The following KIRREL3 variants were observed in gnomAD, a reference collection of about 807,000 sequenced individuals.
The protein encoded by KIRREL3 is kin of IRRE-like protein 3.
Under a neutral mutation model 89.7 loss-of-function variants are expected in KIRREL3, and 36 were observed. The observed-to-expected ratio is 0.40, with a 90% CI of 0.31 to 0.53. KIRREL3 has a LOEUF of 0.53. Among genes scored for constraint, KIRREL3 ranks in the 20% least tolerant of loss-of-function variants. The probability of loss-of-function intolerance (pLI) is 0.49; values close to 1 mark genes in which losing one functional copy is unlikely to be tolerated. For missense variants in KIRREL3, 864 were observed against 1,056.6 expected (o/e 0.82, Z 2.53); for synonymous variants, 445 against 441.4 (o/e 1.01, Z -0.10).
intron 1 of KIRREL3, among the ~76,000 whole-genome samples, chr11:126,857,245 C>A (rs763222328): frequency 3.3e-5 from 5 of 152,226 alleles, no homozygotes; most frequent in Non-Finnish European, 5.9e-5. Flanking sequence ...GCCCACCCAC[C>A]TGTGTGCCTT....
At position 126,424,667 on chromosome 11, in the gene KIRREL3, A is replaced by G. The variant is rs1282669293; in HGVS notation, c.2250T>C (p.Ser750=). 1 of 1,614,064 alleles carries G rather than the reference A, an allele frequency of 6.2e-7. No homozygotes were observed. ...ACTGGGAGTGGTGGGAGGAGGAAGCAGAAGCCTTGCTGGCCTTGTCGAACT... is the reference window on the plus strand; with the variant it reads ...ACTGGGAGTGGTGGGAGGAGGAAGCGGAAGCCTTGCTGGCCTTGTCGAACT... ...YVQFDKASKA[S]ASSSHHSQSS... is the part of the protein sequence containing the mutation. The change falls in exon 17 of 17, where the codon TCT becomes TCC. Residue 750 remains serine, a synonymous_variant. Transcript: ENST00000525144.
chr11:126,639,320 TTC>T lies in KIRREL3; in HGVS notation c.56-76410_56-76409del, dbSNP rs1944382385. ...TGAAGATCTAGGCAGCTATTTGTAT[TTC>T]TGTTTGGATTTTTGGGTCCTTTTCT... On this transcript the variant is annotated intron_variant, in intron 1 of 16. Coordinates refer to ENST00000525144, the MANE Select transcript of KIRREL3 (RefSeq NM_032531.4). This position sits in a 1 kb window ranked among gnomAD's most constrained non-coding sequence, Gnocchi z 4.3. Among the ~76,000 whole-genome samples, 1 of 152,214 alleles carries T rather than the reference TTC, an allele frequency of 6.6e-6. No individual in the cohort carries two copies. Among genetic ancestry groups the T allele is most frequent in the Non-Finnish European group, 1.5e-5 (1 of 68,024 alleles).
At chr11:126,869,154 CTT>C (rs36033176) in intron 1 of KIRREL3, among the ~76,000 whole-genome samples, 2,794 of 121,236 alleles carry the variant, frequency 0.023, 89 homozygotes, top group African/African-American at 0.077. Flanking sequence ...TGCCTGAGGG[CTT>C]TTTTTTTTTT....
At chr11:126,938,659 CATA>C (rs1386050586) in intron 1 of KIRREL3, among the ~76,000 whole-genome samples, 31 of 152,264 alleles carry the variant, frequency 2.0e-4, no homozygotes, top group African/African-American at 7.2e-4. Context: ...TAGCCAAACT[CATA>C]ATATTTGCTT....
In KIRREL3 at chr11:126,484,813, ATTT is replaced by A. The variant is rs200054144; in HGVS notation, c.434-11350_434-11348del. On this transcript the variant is annotated intron_variant, in intron 4 of 16. Coordinates refer to ENST00000525144, the MANE Select transcript of KIRREL3 (RefSeq NM_032531.4). This position sits in a 1 kb window ranked among gnomAD's most constrained non-coding sequence, Gnocchi z 5.2. ...AGATGTGGGGCAAGATGCAAATGGG[ATTT>A]TTTTTTTTTTTTTTCTGAGACGGAG... is the stretch of plus-strand genomic sequence containing the variant. Among the ~76,000 whole-genome samples the A allele has an allele frequency of 7.2e-6, 1 of 139,706 alleles. No individual in the cohort carries two copies. 91.7% of individuals were successfully genotyped at this position (139,706 alleles called of 152,430 possible).
chr11:126,765,188 C>A (rs922899562), intron 1 of KIRREL3, among the ~76,000 whole-genome samples: 20 of 152,226 alleles, frequency 1.3e-4, no homozygotes, highest in Admixed American at 3.9e-4. Flanking sequence ...CCAACTATAC[C>A]CCGTGGCTCT....
At chr11:126,543,409 A>G (rs1301582989) in intron 2 of KIRREL3, among the ~76,000 whole-genome samples, 1 of 152,178 alleles carries the variant, frequency 6.6e-6, no homozygotes, top group African/African-American at 2.4e-5. Flanking sequence ...TGAGAAATAG[A>G]AAATCTTTCC....
chr11:126,458,126 GC>G (rs1338057149), intron 6 of KIRREL3, among the ~76,000 whole-genome samples: 1 of 152,192 alleles, frequency 6.6e-6, no homozygotes, highest in Non-Finnish European at 1.5e-5. Context: ...TGAGTGGGCA[GC>G]CCAGGACCTC....
In KIRREL3 at chr11:126,651,749, T is replaced by C. The variant is rs1429005330; in HGVS notation, c.56-88837A>G. Among the ~76,000 whole-genome samples, 1 of 152,228 alleles carries C rather than the reference T, an allele frequency of 6.6e-6. No individual in the cohort carries two copies. Among genetic ancestry groups the C allele is most frequent in the Non-Finnish European group, 1.5e-5 (1 of 68,042 alleles). On this transcript the variant is annotated intron_variant, in intron 1 of 16. Transcript: ENST00000525144. The surrounding 1 kb of genome is among the most constrained non-coding windows in gnomAD (Gnocchi z 4.6). Reference sequence around the variant, plus strand: ...TTATAATAAGCTAATTAGTTTAAATTATTTGTACTTGTACAAGGTCTTGAA... The same window carrying C: ...TTATAATAAGCTAATTAGTTTAAATCATTTGTACTTGTACAAGGTCTTGAA...
Position 126,527,798 on chromosome 11 carries a change from G to A in KIRREL3, c.134-1111C>T, listed in dbSNP as rs1666587430. 1.3e-5 allele frequency among the ~76,000 whole-genome samples: 2 copies of A among 152,140 alleles called. No homozygotes were observed. Among genetic ancestry groups the A allele is most frequent in the African/African-American group, 4.8e-5 (2 of 41,428 alleles). On this transcript the variant is annotated intron_variant, in intron 2 of 16. Coordinates refer to ENST00000525144, the MANE Select transcript of KIRREL3 (RefSeq NM_032531.4). This position sits in a 1 kb window ranked among gnomAD's most constrained non-coding sequence, Gnocchi z 4.2. ...GAATCCAAGTCTTTCTGGCTCTGAAGACCATGCTCTCCCCTACTGAGCTAT... is the reference window on the plus strand; with the variant it reads ...GAATCCAAGTCTTTCTGGCTCTGAAAACCATGCTCTCCCCTACTGAGCTAT...
chr11:126,586,422 G>A (rs373746749), intron 1 of KIRREL3, among the ~76,000 whole-genome samples: 4 of 152,144 alleles, frequency 2.6e-5, no homozygotes, highest in African/African-American at 7.2e-5. Context: ...GCGAGCTGGG[G>A]GAAGGGTCTC....
chr11:126,967,818 G>GGC (rs1321959272), intron 1 of KIRREL3, among the ~76,000 whole-genome samples: 3 of 152,034 alleles, frequency 2.0e-5, no homozygotes, highest in African/African-American at 7.2e-5. Flanking sequence ...CAGCTGGGGA[G>GGC]GGGGCTTGCT....
At position 126,489,392 on chromosome 11, in the gene KIRREL3, A is replaced by T. The variant is rs1957450694; in HGVS notation, c.434-15926T>A. Among the ~76,000 whole-genome samples the T allele has an allele frequency of 1.3e-5, 2 of 152,084 alleles. No homozygotes were observed. Among genetic ancestry groups the T allele is most frequent in the Admixed American group, 1.3e-4 (2 of 15,274 alleles). On this transcript the variant is annotated intron_variant, in intron 4 of 16. Transcript: ENST00000525144. This position sits in a 1 kb window ranked among gnomAD's most constrained non-coding sequence, Gnocchi z 5.5. ...AGAAGAGACGCCTGCATCAGGTGGG[A>T]GTTAGGTGGGGAAAACAAAGCTTCC...
In KIRREL3 at chr11:126,993,683, C is replaced by T. The variant is rs1419071129; in HGVS notation, c.55+6772G>A. Among the ~76,000 whole-genome samples, 1 of 152,198 alleles carries T rather than the reference C, an allele frequency of 6.6e-6. No individual in the cohort carries two copies. Among genetic ancestry groups the T allele is most frequent in the Non-Finnish European group, 1.5e-5 (1 of 68,040 alleles). ...CAGTGCCTACTGCATAGGAGGCCCA[C>T]AGTGAGTGCTGGCTGAGTGGTCAAG... On this transcript the variant is annotated intron_variant, in intron 1 of 16. Transcript: ENST00000525144. The surrounding 1 kb of genome is among the most constrained non-coding windows in gnomAD (Gnocchi z 6.1).
At chr11:126,437,132 G>T in intron 11 of KIRREL3, 123 bp from the exon 12 acceptor site, 1 of 869,478 alleles carries the variant, frequency 1.2e-6, no homozygotes, top group Non-Finnish European at 1.7e-6. Flanking sequence ...TAACACATGT[G>T]CACACGGGTA....
Position 126,435,254 on chromosome 11 carries a change from A to G in KIRREL3, c.1588+14T>C. ...CCCCCTTCCCAGGGCCATTCTCATC[A>G]TCTCCTTCCGTACCTGCTTCCAGCC... On this transcript the variant is annotated intron_variant, in intron 13 of 16. Transcript: ENST00000525144. The G allele has an allele frequency of 6.2e-7, 1 of 1,613,394 alleles. No individual in the cohort carries two copies. Among genetic ancestry groups the G allele is most frequent in the Non-Finnish European group, 8.5e-7 (1 of 1,179,710 alleles).
At chr11:126,514,553 A>G (rs1958339945) in intron 4 of KIRREL3, among the ~76,000 whole-genome samples, 1 of 152,200 alleles carries the variant, frequency 6.6e-6, no homozygotes, top group Non-Finnish European at 1.5e-5. Context: ...CAGTTATAAT[A>G]CTAGCAGCCA....
At chr11:126,439,192 G>A (rs955123526) in intron 11 of KIRREL3, among the ~76,000 whole-genome samples, 2 of 152,122 alleles carry the variant, frequency 1.3e-5, no homozygotes, top group African/African-American at 4.8e-5. Flanking sequence ...TTAGCTGGGT[G>A]TGGTGGCAGG....
rs938360357 is a variant in KIRREL3 at position 126,429,046 on chromosome 11, T to G, written c.1806+133A>C. On this transcript the variant is annotated intron_variant, in intron 15 of 16. Transcript: ENST00000525144. The surrounding 1 kb of genome is among the most constrained non-coding windows in gnomAD (Gnocchi z 5.2). Reference sequence around the variant, plus strand: ...GGCTGAGAGTGTGTGCCTCACCTATTGTGGGGTGGGCAGGGGGCATCTTGA... The same window carrying G: ...GGCTGAGAGTGTGTGCCTCACCTATGGTGGGGTGGGCAGGGGGCATCTTGA... The G allele has an allele frequency of 3.7e-5, 23 of 627,892 alleles. No homozygotes were observed. Among genetic ancestry groups the G allele is most frequent in the Non-Finnish European group, 5.5e-5 (19 of 345,010 alleles). 38.9% of individuals were successfully genotyped at this position (627,892 alleles called of 1,614,324 possible). A position where few individuals can be genotyped will look rare whatever the true frequency, so the allele number is the denominator to read the frequency against.
Sources: gnomAD v4.1 joint callset for allele counts (sites outside exome capture counted in the v4.1 genomes callset) on GRCh38, gnomAD v4.1.1 for gene constraint, Gnocchi (gnomAD v3.1) non-coding constraint, MANE v1.5 for transcripts, NCBI Gene and HGNC (gene_info 2026-07-23, HGNC 2026-07-21) for gene names.